AUTS2: variants seen among roughly 807,000 people sequenced by gnomAD.
AUTS2 encodes autism susceptibility gene 2 protein.
Under a neutral mutation model 112.4 loss-of-function variants are expected in AUTS2, and 17 were observed. That is an observed-to-expected ratio of 0.15 (90% CI 0.10 to 0.23). The LOEUF is 0.23. AUTS2 is among the 10% of genes least tolerant of loss of function. The pLI is 1.00. For missense variants in AUTS2, 1,510 were observed against 1,701.6 expected, an observed-to-expected ratio of 0.89 and a Z score of 1.98; for synonymous variants, 751 against 702.7, an observed-to-expected ratio of 1.07 and a Z score of -1.09.
chr7:70,539,470 A>C (rs996541916), intron 5 of AUTS2, among the ~76,000 whole-genome samples: 1 of 152,186 alleles, frequency 6.6e-6, no homozygotes, highest in Non-Finnish European at 1.5e-5. Flanking sequence ...CTGTGCTGCA[A>C]CTTTTAATGT....
At chr7:70,683,462 T>C (rs111645658) in intron 5 of AUTS2, among the ~76,000 whole-genome samples, 2,020 of 152,298 alleles carry the variant, frequency 0.013, 39 homozygotes, top group African/African-American at 0.046. Flanking sequence ...CCTTGAGTGA[T>C]TGAATCTACA....
chr7:70,786,943 A>C, intron 17 of AUTS2: 1 of 540,684 alleles, frequency 1.8e-6, no homozygotes. Flanking sequence ...CTCAGTACCC[A>C]TTTGGTCCCT....
intron 3 of AUTS2, among the ~76,000 whole-genome samples, chr7:70,134,088 TG>T (rs1806415713): frequency 6.6e-6 from 1 of 152,160 alleles, no homozygotes; most frequent in Non-Finnish European, 1.5e-5. Context: ...CCAAACCCAC[TG>T]GGCTTTTTAT....
At chr7:69,704,339 G>A (rs1165696808) in intron 1 of AUTS2, among the ~76,000 whole-genome samples, 6 of 151,632 alleles carry the variant, frequency 4.0e-5, no homozygotes, top group Non-Finnish European at 8.8e-5. Flanking sequence ...GTGCGGTGGT[G>A]CGATCTCTGC....
chr7:70,271,508 A>C (rs1257120459), intron 4 of AUTS2, among the ~76,000 whole-genome samples: 1 of 152,182 alleles, frequency 6.6e-6, no homozygotes, highest in Admixed American at 6.5e-5. Context: ...ATACCATGAC[A>C]ATTTCATGCC....
chr7:70,413,371 C>G (rs1794855707), intron 4 of AUTS2, among the ~76,000 whole-genome samples: 1 of 152,066 alleles, frequency 6.6e-6, no homozygotes, highest in Admixed American at 6.5e-5. Context: ...TACATTAGAG[C>G]CAAAGGTGGT....
chr7:70,382,127 G>C (rs1486434011), intron 4 of AUTS2, among the ~76,000 whole-genome samples: 1 of 152,158 alleles, frequency 6.6e-6, no homozygotes, highest in Admixed American at 6.5e-5. Context: ...AGCTCAACGT[G>C]TCTGTAATCT....
At chr7:70,106,921 T>TA (rs1804796193) in intron 2 of AUTS2, among the ~76,000 whole-genome samples, 1 of 152,176 alleles carries the variant, frequency 6.6e-6, no homozygotes, top group African/African-American at 2.4e-5. Flanking sequence ...GTTTTTTTTT[T>TA]ATACTTGTTA....
chr7:69,619,343 CTGTT>C (rs1793544016), intron 1 of AUTS2, among the ~76,000 whole-genome samples: 1 of 152,048 alleles, frequency 6.6e-6, no homozygotes, highest in Non-Finnish European at 1.5e-5. Flanking sequence ...GAGCTACTGT[CTGTT>C]GAAAGTGTTT....
intron 2 of AUTS2, among the ~76,000 whole-genome samples, chr7:69,927,108 A>G (rs1796048012): frequency 6.8e-6 from 1 of 147,852 alleles, no homozygotes; most frequent in African/African-American, 2.5e-5. Flanking sequence ...GGTAAGGAAA[A>G]AAATGCAACT....
intron 5 of AUTS2, among the ~76,000 whole-genome samples, chr7:70,623,773 A>G (rs1804797131): frequency 6.6e-6 from 1 of 152,250 alleles, no homozygotes; most frequent in Non-Finnish European, 1.5e-5. Context: ...AATGCTGGCC[A>G]GGCTTCTCTG....
rs145362750 is a variant in AUTS2, at chr7:70,497,456, G to T, written c.690+61675G>T. 1.2e-3 allele frequency among the ~76,000 whole-genome samples: 178 copies of T among 152,316 alleles called. 2 individuals are homozygous for T. The highest frequency in any genetic ancestry group is 1.7e-3 in the Non-Finnish European group (115 of 68,028). The stretch of plus-strand genomic sequence containing the variant: ...TGGATTGTTGTGCTGTTTCCCTTAC[G>T]TGTAACCATGGTTAGACTTTCTTGT... On this transcript the variant is annotated intron_variant, in intron 5 of 18. Coordinates refer to ENST00000342771, the MANE Select transcript of AUTS2 (RefSeq NM_015570.4).
intron 1 of AUTS2, among the ~76,000 whole-genome samples, chr7:69,662,157 A>G (rs1420405426): frequency 6.6e-6 from 1 of 151,762 alleles, no homozygotes; most frequent in Non-Finnish European, 1.5e-5. Context: ...TTTCCTAATA[A>G]GAATCATAGG....
At position 69,711,408 on chromosome 7, in the gene AUTS2, T is replaced by C. The variant is rs186084491; in HGVS notation, c.309+111446T>C. On this transcript the variant is annotated intron_variant, in intron 1 of 18. Coordinates refer to ENST00000342771, the MANE Select transcript of AUTS2 (RefSeq NM_015570.4). ...TGGGTCTTATTTTAAATTTCCTTTT[T>C]TCCAGAGTCCCTTTAAAGTTGTGAT... is the stretch of plus-strand genomic sequence containing the variant. Among the ~76,000 whole-genome samples, 35 of 152,316 alleles carry C rather than the reference T, an allele frequency of 2.3e-4. No homozygotes were observed. In the East Asian group the frequency reaches 6.7e-3, roughly 29 times the overall value.
intron 5 of AUTS2, among the ~76,000 whole-genome samples, chr7:70,539,153 A>G (rs1382137573): frequency 1.3e-5 from 2 of 152,166 alleles, no homozygotes; most frequent in African/African-American, 4.8e-5. Flanking sequence ...GTAGAGTCGC[A>G]ACCTGGTACA....
intron 5 of AUTS2, among the ~76,000 whole-genome samples, chr7:70,613,245 G>C (rs1047491725): frequency 2.4e-5 from 1 of 41,782 alleles, no homozygotes; most frequent in Non-Finnish European, 5.3e-5. Flanking sequence ...GTGTGTCTGT[G>C]TGTGTGTGTG....
chr7:69,798,394 C>G (rs917668354), intron 1 of AUTS2, among the ~76,000 whole-genome samples: 2 of 152,198 alleles, frequency 1.3e-5, no homozygotes, highest in African/African-American at 4.8e-5. Context: ...GCATTACCCC[C>G]TCTTCAGGGT....
chr7:69,610,835 A>G (rs1792996363), intron 1 of AUTS2, among the ~76,000 whole-genome samples: 1 of 152,212 alleles, frequency 6.6e-6, no homozygotes, highest in Non-Finnish European at 1.5e-5. Flanking sequence ...GAGACACCCT[A>G]GCTGTAATTT....
At chr7:70,635,550 A>G (rs1171353878) in intron 5 of AUTS2, among the ~76,000 whole-genome samples, 4 of 152,156 alleles carry the variant, frequency 2.6e-5, no homozygotes, top group Non-Finnish European at 5.9e-5. Context: ...GGCAAGTCAT[A>G]CACAGAGAGG....
Sources: allele counts gnomAD v4.1 joint callset (sites outside exome capture counted in the v4.1 genomes callset), GRCh38; gene constraint gnomAD v4.1.1; transcripts MANE v1.5; gene names NCBI Gene and HGNC (gene_info 2026-07-23, HGNC 2026-07-21).